SLC35F4: variants seen among roughly 807,000 people sequenced by gnomAD.
SLC35F4 encodes chromosome 14 open reading frame 36.
In SLC35F4, 24 loss-of-function variants were observed where a neutral mutation model predicts 44.2. The ratio of observed to expected loss-of-function variants is 0.54; its 90% confidence interval spans 0.39 to 0.76. SLC35F4 has a LOEUF of 0.76. Ranked by LOEUF, SLC35F4 falls within the 30% of genes least tolerant of loss-of-function variation. The pLI is 0.00. For missense variants in SLC35F4, 562 were observed against 586.1 expected, an observed-to-expected ratio of 0.96 and a Z score of 0.42; for synonymous variants, 238 against 223.6, an observed-to-expected ratio of 1.06 and a Z score of -0.57.
chr14:57,931,429 A>G (rs808226), intron 1 of SLC35F4, among the ~76,000 whole-genome samples: 28,072 of 152,196 alleles, frequency 0.18, 2,788 homozygotes, highest in East Asian at 0.28. Context: ...ACAAAGACCA[A>G]TCTAAAAGGA....
intron 1 of SLC35F4, among the ~76,000 whole-genome samples, chr14:57,674,377 C>T (rs1401029046): frequency 1.3e-5 from 2 of 152,018 alleles, no homozygotes; most frequent in African/African-American, 4.8e-5. Context: ...CTACTTTTAC[C>T]CTAAAATAAA....
At chr14:57,806,156 TACCAAA>T in intron 1 of SLC35F4, among the ~76,000 whole-genome samples, 3 of 152,300 alleles carry the variant, frequency 2.0e-5, no homozygotes, top group East Asian at 3.9e-4. Context: ...CCCACATCCT[TACCAAA>T]AAAGGTGAAA....
intron 1 of SLC35F4, among the ~76,000 whole-genome samples, chr14:57,785,703 G>C (rs2077738455): frequency 6.6e-6 from 1 of 152,180 alleles, no homozygotes; most frequent in Non-Finnish European, 1.5e-5. Context: ...TTTACCTGGA[G>C]CTGAGTCCAT....
upstream of SLC35F4, chr14:57,866,117 A>C: frequency 5.2e-6 from 1 of 191,866 alleles, no homozygotes; most frequent in East Asian, 1.3e-4. Flanking sequence ...TCCGACGCCC[A>C]CCGTGGCCGG....
At chr14:57,910,188 T>C (rs1410687368) in intron 1 of SLC35F4, among the ~76,000 whole-genome samples, 2 of 152,150 alleles carry the variant, frequency 1.3e-5, no homozygotes, top group African/African-American at 4.8e-5. Flanking sequence ...CCTTTGTATA[T>C]TTTGTATATC....
chr14:57,858,894 T>G (rs1470058505), intron 1 of SLC35F4, among the ~76,000 whole-genome samples: 3 of 148,950 alleles, frequency 2.0e-5, no homozygotes, highest in Non-Finnish European at 4.5e-5. Flanking sequence ...CTTGAAGGAG[T>G]TTGAGACCAG....
rs77701509 is a variant in SLC35F4 at position 57,898,458 on chromosome 14, A to T, written n.282+83455T>A. ...AAATAGAAAGTTAATAACTATGTTAACCAGGAGGGTATGTGGGTGCTTTGA... is the reference window on the plus strand; with the variant it reads ...AAATAGAAAGTTAATAACTATGTTATCCAGGAGGGTATGTGGGTGCTTTGA... On this transcript the variant is annotated intron_variant and non_coding_transcript_variant, in intron 1 of 1. Transcript: ENST00000556568. 4.9e-3 allele frequency among the ~76,000 whole-genome samples: 750 copies of T among 152,332 alleles called. 2 individuals carry two copies. The highest frequency in any genetic ancestry group is 0.017 in the African/African-American group (691 of 41,578).
At chr14:57,664,713 CCAGTTCTAAACTGCGGATTACA>C (rs1398574957) in intron 1 of SLC35F4, among the ~76,000 whole-genome samples, 1 of 152,096 alleles carries the variant, frequency 6.6e-6, no homozygotes, top group Non-Finnish European at 1.5e-5. Context: ...GTCCGGCAGT[CCAGTTCTAAACTGCGGATTACA>C]CAGGACGCAA....
intron 1 of SLC35F4, among the ~76,000 whole-genome samples, chr14:57,722,175 T>G (rs894804004): frequency 1.3e-5 from 2 of 152,108 alleles, no homozygotes; most frequent in African/African-American, 4.8e-5. Flanking sequence ...CAGGCCAAAT[T>G]TATTGATTTG....
chr14:57,853,244 T>C (rs905827819), intron 1 of SLC35F4, among the ~76,000 whole-genome samples: 11 of 152,196 alleles, frequency 7.2e-5, no homozygotes, highest in African/African-American at 2.4e-4. Context: ...ACTTGGATTT[T>C]CTCAGTTTCT....
At chr14:57,659,160 C>T in intron 1 of SLC35F4, among the ~76,000 whole-genome samples, 1 of 152,124 alleles carries the variant, frequency 6.6e-6, no homozygotes, top group East Asian at 1.9e-4. Flanking sequence ...ACCAAGGAAA[C>T]TCAAAATGAG....
At chr14:57,722,764 C>T (rs1342776813) in intron 1 of SLC35F4, among the ~76,000 whole-genome samples, 1 of 152,130 alleles carries the variant, frequency 6.6e-6, no homozygotes, top group Non-Finnish European at 1.5e-5. Context: ...CTACTGCATT[C>T]CTCCTTAATT....
At chr14:57,673,321 C>T (rs2074582847) in intron 1 of SLC35F4, among the ~76,000 whole-genome samples, 1 of 152,098 alleles carries the variant, frequency 6.6e-6, no homozygotes, top group African/African-American at 2.4e-5. Flanking sequence ...GCATGGTTAT[C>T]ACCACAGTTC....
intron 1 of SLC35F4, among the ~76,000 whole-genome samples, chr14:57,599,813 A>C (rs2070708481): frequency 6.6e-6 from 1 of 151,404 alleles, no homozygotes; most frequent in South Asian, 2.1e-4. Context: ...AAAAAAAAAA[A>C]AAAAAACAAC....
chr14:57,809,256 G>A, intron 1 of SLC35F4, among the ~76,000 whole-genome samples: 1 of 152,172 alleles, frequency 6.6e-6, no homozygotes, highest in East Asian at 1.9e-4. Flanking sequence ...ACAGTGTTAA[G>A]TGTCTCTCCC....
intron 1 of SLC35F4, among the ~76,000 whole-genome samples, chr14:57,960,195 T>C (rs1036382609): frequency 1.3e-5 from 2 of 152,232 alleles, no homozygotes; most frequent in African/African-American, 4.8e-5. Flanking sequence ...AAGCTGGTGA[T>C]TGCAGTAATA....
At chr14:57,661,943 T>C (rs763744060) in intron 1 of SLC35F4, among the ~76,000 whole-genome samples, 2 of 152,164 alleles carry the variant, frequency 1.3e-5, no homozygotes, top group African/African-American at 2.4e-5. Context: ...AGCCAGACCA[T>C]AACATAAAGA....
At chr14:57,936,690 C>T (rs1338628339) in intron 1 of SLC35F4, among the ~76,000 whole-genome samples, 1 of 151,028 alleles carries the variant, frequency 6.6e-6, no homozygotes, top group Non-Finnish European at 1.5e-5. Flanking sequence ...GTCAATGCTT[C>T]CTTGGTTTGG....
In SLC35F4 at chr14:57,748,358, C is replaced by A. The variant is rs770590782; in HGVS notation, c.103+117365G>T. Among the ~76,000 whole-genome samples the A allele has an allele frequency of 3.3e-5, 5 of 152,064 alleles. No individual in the cohort carries two copies. The South Asian group carries it at 1.0e-3, about 32-fold the overall frequency. On this transcript the variant is annotated intron_variant, in intron 1 of 7. Transcript: ENST00000556826. ...CACATGTATAGGTTCATATATTTAC[C>A]GCCACAGTCAAGATATAGAACAGTT...
Sources: gnomAD v4.1 joint callset for allele counts (sites outside exome capture counted in the v4.1 genomes callset) on GRCh38, gnomAD v4.1.1 for gene constraint, MANE v1.5 for transcripts, NCBI Gene and HGNC (gene_info 2026-07-23, HGNC 2026-07-21) for gene names.